The following CDH23 variants were observed in gnomAD, a reference collection of about 807,000 sequenced individuals.
CDH23 encodes cadherin related 23.
CDH23 carries 189 observed loss-of-function variants against 317.1 expected under a neutral mutation model. That is an observed-to-expected ratio of 0.60 (90% CI 0.53 to 0.67). The LOEUF (loss-of-function observed/expected upper bound fraction) is 0.67, where lower values mean the gene tolerates loss of function less well. CDH23 is among the 30% of genes least tolerant of loss of function. CDH23 has a pLI of 0.00. For synonymous variants in CDH23, 1,839 were observed against 1,876.8 expected, an observed-to-expected ratio of 0.98 and a Z score of 0.52; for missense variants, 4,401 against 4,592.4, an observed-to-expected ratio of 0.96 and a Z score of 1.20.
chr10:71,621,372 T>C (rs1339699575), intron 11 of CDH23, among the ~76,000 whole-genome samples: 2 of 152,198 alleles, frequency 1.3e-5, no homozygotes, highest in Non-Finnish European at 2.9e-5. Context: ...TGCCCACGAT[T>C]AGTGTGAGGA....
At chr10:71,720,315 CA>C (rs1359584463) in intron 28 of CDH23, among the ~76,000 whole-genome samples, 2 of 152,062 alleles carry the variant, frequency 1.3e-5, no homozygotes, top group Non-Finnish European at 2.9e-5. Context: ...CTTCAAAGGT[CA>C]GGGGGATCCC....
intron 1 of CDH23, among the ~76,000 whole-genome samples, chr10:71,425,226 AGAGAGG>A (rs71012284): frequency 0.23 from 13,567 of 59,450 alleles, 2,107 homozygotes; most frequent in Non-Finnish European, 0.3. Flanking sequence ...GGGCAGAGAG[AGAGAGG>A]GAGAGAGAGA....
chr10:71,685,652 A>G (rs943529851), intron 18 of CDH23, among the ~76,000 whole-genome samples: 1 of 152,162 alleles, frequency 6.6e-6, no homozygotes, highest in Non-Finnish European at 1.5e-5. Context: ...CATCCCAGGG[A>G]CAAGCAGGGG....
At chr10:71,569,658 A>G (rs572576568) in intron 7 of CDH23, among the ~76,000 whole-genome samples, 1 of 152,328 alleles carries the variant, frequency 6.6e-6, no homozygotes, top group South Asian at 2.1e-4. Flanking sequence ...CACACTTAGA[A>G]GTTGTATGAC....
chr10:71,414,117 T>G (rs541889345), intron 1 of CDH23, among the ~76,000 whole-genome samples: 8 of 152,060 alleles, frequency 5.3e-5, no homozygotes, highest in Middle Eastern at 3.4e-3. Context: ...TATGATCATG[T>G]CTTCTGCAAA....
chr10:71,749,442 G>A (rs1442998245), intron 38 of CDH23: 1 of 152,318 alleles, frequency 6.6e-6, no homozygotes, highest in Non-Finnish European at 1.5e-5. Flanking sequence ...AAAGTGCTGG[G>A]AGGACAGGTG....
chr10:71,739,085 T>C (rs1489877243), intron 35 of CDH23, among the ~76,000 whole-genome samples: 2 of 152,186 alleles, frequency 1.3e-5, no homozygotes, highest in East Asian at 3.8e-4. Context: ...CTTTCATCTG[T>C]TCCGTGCATT....
chr10:71,589,677 G>C (rs1401658906), intron 9 of CDH23, among the ~76,000 whole-genome samples: 1 of 152,240 alleles, frequency 6.6e-6, no homozygotes. Flanking sequence ...TGGGGAGATG[G>C]TGAGGAAGAA....
intron 11 of CDH23, among the ~76,000 whole-genome samples, chr10:71,628,101 G>A (rs146203034): frequency 6.6e-6 from 1 of 152,320 alleles, no homozygotes; most frequent in African/African-American, 2.4e-5. Flanking sequence ...CAAGGCTGCA[G>A]TAAGCACAGC....
chr10:71,815,245 C>G lies in CDH23; in HGVS notation c.10032C>G (p.Ile3344Met). 1 of 1,587,618 alleles carries G rather than the reference C, an allele frequency of 6.3e-7. No individual in the cohort carries two copies. Among genetic ancestry groups the G allele is most frequent in the Non-Finnish European group, 8.6e-7 (1 of 1,162,362 alleles). Reference protein sequence around the residue: ...STPLHKLRDVIMETPLEITEL With the variant: ...STPLHKLRDVMMETPLEITEL ...CCCTGCACAAACTTCGCGACGTGAT[C>G]ATGGAGACCCCCCTGGAGATCACAG... The change falls in exon 70 of 70, where the codon ATC (isoleucine) becomes ATG (methionine). Residue 3344 changes from isoleucine (I) to methionine (M), a missense_variant. By Grantham distance (10) the Ile-to-Met change is conservative (BLOSUM62 1). Coordinates refer to ENST00000224721, the MANE Select transcript of CDH23 (RefSeq NM_022124.6).
At chr10:71,560,214 G>T (rs949233683) in intron 6 of CDH23, among the ~76,000 whole-genome samples, 4 of 152,186 alleles carry the variant, frequency 2.6e-5, no homozygotes, top group Non-Finnish European at 4.4e-5. Flanking sequence ...AAACCGAAGT[G>T]CAGATGTTTC....
rs1018660136 is a variant in CDH23, at chr10:71,610,786, G to C, written c.833-4718G>C. Among the ~76,000 whole-genome samples, 4 of 147,772 alleles carry C rather than the reference G, an allele frequency of 2.7e-5. No individual in the cohort carries two copies. In the South Asian group the frequency reaches 8.4e-4, roughly 31 times the overall value. On this transcript the variant is annotated intron_variant, in intron 9 of 69. Coordinates refer to ENST00000224721, the MANE Select transcript of CDH23 (RefSeq NM_022124.6). Reference sequence around the variant, plus strand: ...TCTCTTGCAAATCTGAAAAGGTCTTGATTCCTGGAGCTCCTAGAGGAGGTG... The same window carrying C: ...TCTCTTGCAAATCTGAAAAGGTCTTCATTCCTGGAGCTCCTAGAGGAGGTG...
intron 9 of CDH23, among the ~76,000 whole-genome samples, chr10:71,589,895 ATCCTCTCAATAAACCCATGAGACTG>A (rs1664694754): frequency 6.6e-6 from 1 of 152,222 alleles, no homozygotes; most frequent in African/African-American, 2.4e-5. Flanking sequence ...AACTCTTTTA[ATCCTCTCAATAAACCCATGAGACTG>A]TCCTATTACT....
intron 3 of CDH23, among the ~76,000 whole-genome samples, chr10:71,450,165 T>C (rs1850362516): frequency 6.6e-6 from 1 of 152,148 alleles, no homozygotes; most frequent in East Asian, 1.9e-4. Context: ...ACCCACACCT[T>C]GGCCCTGCCT....
intron 9 of CDH23, among the ~76,000 whole-genome samples, chr10:71,596,028 C>A (rs536670264): frequency 5.4e-4 from 82 of 152,278 alleles, no homozygotes; most frequent in African/African-American, 1.7e-3. Flanking sequence ...TGGCTCTGGG[C>A]AGCCCCCTCT....
At chr10:71,664,288 A>G (rs1863796918) in intron 14 of CDH23, among the ~76,000 whole-genome samples, 1 of 152,208 alleles carries the variant, frequency 6.6e-6, no homozygotes, top group Admixed American at 6.5e-5. Context: ...GCTCCCCATC[A>G]ATTTTTATTT....
chr10:71,687,709 C>T lies in CDH23; in HGVS notation c.2049C>T (p.Asn683=). Reference sequence around the variant, plus strand: ...CCTACTTCGTCTCCGTGGTGGAGAACATCATGGCAGGTACAGGCTCAGGTC... The same window carrying T: ...CCTACTTCGTCTCCGTGGTGGAGAATATCATGGCAGGTACAGGCTCAGGTC... ...KPAYFVSVVE[N]IMAGATVLFL... Residue 683 remains asparagine, a synonymous_variant, in exon 19 of 70, where the codon AAC becomes AAT. Coordinates refer to ENST00000224721, the MANE Select transcript of CDH23 (RefSeq NM_022124.6). 6.2e-7 allele frequency: 1 copy of T among 1,613,774 alleles called. No homozygotes were observed. The highest frequency in any genetic ancestry group is 8.5e-7 in the Non-Finnish European group (1 of 1,179,814).
At chr10:71,402,269 A>G (rs1847814006) in intron 1 of CDH23, among the ~76,000 whole-genome samples, 1 of 152,236 alleles carries the variant, frequency 6.6e-6, no homozygotes, top group Admixed American at 6.5e-5. Context: ...GCTGAGAGTG[A>G]CACAGCAGGT....
At chr10:71,588,038 G>A (rs568160335) in intron 9 of CDH23, among the ~76,000 whole-genome samples, 29 of 152,284 alleles carry the variant, frequency 1.9e-4, no homozygotes, top group Admixed American at 1.8e-3. Flanking sequence ...GCTGCTGCTG[G>A]AGCAGGAAGG....
Sources: allele counts gnomAD v4.1 joint callset (sites outside exome capture counted in the v4.1 genomes callset), GRCh38; gene constraint gnomAD v4.1.1; transcripts MANE v1.5; gene names NCBI Gene and HGNC (gene_info 2026-07-23, HGNC 2026-07-21).